The following PIP4K2A variants were observed in gnomAD, a reference collection of about 807,000 sequenced individuals.
PIP4K2A encodes the protein phosphatidylinositol-5-phosphate 4-kinase type 2 alpha.
PIP4K2A carries 14 observed loss-of-function variants against 42.9 expected under a neutral mutation model. The observed-to-expected ratio is 0.33, with a 90% confidence interval of 0.22 to 0.51. The LOEUF (loss-of-function observed/expected upper bound fraction) is 0.51, where lower values mean the gene tolerates loss of function less well. Ranked by LOEUF, PIP4K2A falls within the 20% of genes least tolerant of loss-of-function variation. PIP4K2A has a pLI of 0.97. For missense variants in PIP4K2A, 434 were observed against 519.8 expected (o/e 0.83, Z 1.61); for synonymous variants, 192 against 192.2 (o/e 1.00, Z 0.01).
At chr10:22,568,195 G>A (rs577667263) in intron 5 of PIP4K2A, among the ~76,000 whole-genome samples, 2 of 152,328 alleles carry the variant, frequency 1.3e-5, no homozygotes, top group South Asian at 4.1e-4. Flanking sequence ...ACTTACTTGA[G>A]CAGTAACTTA....
chr10:22,542,860 G>A (rs1836158112), intron 7 of PIP4K2A, among the ~76,000 whole-genome samples: 1 of 152,204 alleles, frequency 6.6e-6, no homozygotes, highest in Non-Finnish European at 1.5e-5. Context: ...CCATCTGCGG[G>A]CTGGACCCAA....
intron 7 of PIP4K2A, among the ~76,000 whole-genome samples, chr10:22,546,205 G>A (rs1008554429): frequency 7.9e-5 from 12 of 152,142 alleles, no homozygotes; most frequent in East Asian, 1.9e-4. Context: ...CAGGGGTGTC[G>A]AAGAATTAAG....
chr10:22,628,047 CTT>C (rs1340801078), intron 1 of PIP4K2A, among the ~76,000 whole-genome samples: 2 of 152,152 alleles, frequency 1.3e-5, no homozygotes, highest in East Asian at 3.9e-4. Context: ...GGGTTATAAA[CTT>C]TTAAAGTGAT....
intron 4 of PIP4K2A, among the ~76,000 whole-genome samples, chr10:22,576,228 G>C (rs568825692): frequency 2.6e-5 from 4 of 152,184 alleles, no homozygotes; most frequent in Admixed American, 2.6e-4. Context: ...ACTGGGAAAA[G>C]GGCACACTGC....
intron 1 of PIP4K2A, among the ~76,000 whole-genome samples, chr10:22,665,132 T>C (rs1839322361): frequency 6.6e-6 from 1 of 152,194 alleles, no homozygotes; most frequent in South Asian, 2.1e-4. Context: ...AATGAAAAAC[T>C]GGCTCTATGA....
At chr10:22,628,016 C>G (rs1838481661) in intron 1 of PIP4K2A, among the ~76,000 whole-genome samples, 1 of 152,100 alleles carries the variant, frequency 6.6e-6, no homozygotes, top group Non-Finnish European at 1.5e-5. Context: ...AGTTGTTGAC[C>G]AAATTTTAAA....
chr10:22,627,588 TAATAAAA>T lies in PIP4K2A; in HGVS notation c.145-17878_145-17872del, dbSNP rs1346768688. Among the ~76,000 whole-genome samples the T allele has an allele frequency of 7.1e-3, 276 of 38,850 alleles. 9 individuals carry two copies. Among genetic ancestry groups the T allele is most frequent in the Middle Eastern group, 0.02 (1 of 50 alleles). The allele number at this position is 38,850 out of a possible 152,430, so 25.5% of individuals were successfully genotyped here. A position where few individuals can be genotyped will look rare whatever the true frequency, so the allele number is the denominator to read the frequency against. On this transcript the variant is annotated intron_variant, in intron 1 of 9. Transcript: ENST00000376573. ...ATTTGTTTAACCAAAAGCTAATATGTAATAAAAAAAAAAAAAAAAAAAAAAAAAAAAA... is the reference window on the plus strand; with the variant it reads ...ATTTGTTTAACCAAAAGCTAATATGTAAAAAAAAAAAAAAAAAAAAAAAAA...
At chr10:22,690,787 T>C (rs373087340) in intron 1 of PIP4K2A, among the ~76,000 whole-genome samples, 3 of 152,196 alleles carry the variant, frequency 2.0e-5, no homozygotes, top group Admixed American at 2.0e-4. Context: ...GAATCTGAAA[T>C]AGTCTGGCCC....
intron 4 of PIP4K2A, among the ~76,000 whole-genome samples, chr10:22,590,948 G>C (rs1304960382): frequency 1.3e-5 from 2 of 152,222 alleles, no homozygotes; most frequent in Non-Finnish European, 2.9e-5. Flanking sequence ...TCCAACGCTG[G>C]ACTTCATGCT....
At position 22,536,287 on chromosome 10, in the gene PIP4K2A, A is replaced by C; in HGVS notation, c.*914T>G. 1 of 395,898 alleles carries C rather than the reference A, an allele frequency of 2.5e-6. No individual in the cohort carries two copies. The highest frequency in any genetic ancestry group is 4.4e-6 in the Non-Finnish European group (1 of 224,806). The allele number at this position is 395,898 out of a possible 1,614,324, so 24.5% of individuals were successfully genotyped here. A position where few individuals can be genotyped will look rare whatever the true frequency, so the allele number is the denominator to read the frequency against. On this transcript the variant is annotated 3_prime_UTR_variant, in exon 10 of 10. Coordinates refer to ENST00000376573, the MANE Select transcript of PIP4K2A (RefSeq NM_005028.5). ...TAGATACCATTGCCCCAAACTATGC[A>C]CTTTTCAGGTAAGCTTTACTTTTAT...
chr10:22,608,131 T>C (rs188409484), intron 2 of PIP4K2A, 108 bp from the exon 3 acceptor site: 4 of 661,006 alleles, frequency 6.1e-6, no homozygotes, highest in Non-Finnish European at 1.1e-5. Context: ...GTTCACTGCC[T>C]ACCAAAAGCA....
intron 1 of PIP4K2A, among the ~76,000 whole-genome samples, chr10:22,689,604 G>A (rs547678287): frequency 1.1e-4 from 16 of 152,160 alleles, no homozygotes; most frequent in African/African-American, 3.9e-4. Flanking sequence ...TTGTATCAGG[G>A]ACTTGAGCAT....
chr10:22,604,003 G>A (rs1474306316), intron 3 of PIP4K2A, among the ~76,000 whole-genome samples: 4 of 97,854 alleles, frequency 4.1e-5, no homozygotes, highest in Non-Finnish European at 7.6e-5. Context: ...GCACACACGC[G>A]CGCACGCACA....
At chr10:22,683,378 A>G (rs1839700194) in intron 1 of PIP4K2A, among the ~76,000 whole-genome samples, 1 of 152,162 alleles carries the variant, frequency 6.6e-6, no homozygotes, top group African/African-American at 2.4e-5. Flanking sequence ...TTCGCAACTC[A>G]GAGGTGGGCC....
chr10:22,710,147 A>G (rs2130930421), intron 1 of PIP4K2A, among the ~76,000 whole-genome samples: 1 of 152,272 alleles, frequency 6.6e-6, no homozygotes, highest in East Asian at 1.9e-4. Context: ...AATATAATCA[A>G]AGCTACTGAC....
chr10:22,536,969 C>CA lies in PIP4K2A; in HGVS notation c.*231dup, dbSNP rs1835950369. 11 of 29,262 alleles carry CA rather than the reference C, an allele frequency of 3.8e-4. No homozygotes were observed. The highest frequency in any genetic ancestry group is 2.7e-3 in the African/African-American group (9 of 3,386). 1.8% of individuals were successfully genotyped at this position (29,262 alleles called of 1,614,324 possible). A position where few individuals can be genotyped will look rare whatever the true frequency, so the allele number is the denominator to read the frequency against. On this transcript the variant is annotated 3_prime_UTR_variant, in exon 10 of 10. Coordinates refer to ENST00000376573, the MANE Select transcript of PIP4K2A (RefSeq NM_005028.5). ...CGCGCACACACTCACCCCCCCCCAA[C>CA]ACACACACACACACATATACACAAA...
At chr10:22,575,912 T>C (rs1259372494) in intron 4 of PIP4K2A, among the ~76,000 whole-genome samples, 2 of 150,394 alleles carry the variant, frequency 1.3e-5, no homozygotes, top group Non-Finnish European at 3.0e-5. Flanking sequence ...TACTCCAGCC[T>C]AGGTGACAGA....
intron 1 of PIP4K2A, among the ~76,000 whole-genome samples, chr10:22,612,385 C>T (rs138329398): frequency 1.3e-5 from 2 of 152,290 alleles, no homozygotes; most frequent in East Asian, 3.9e-4. Context: ...CTTCCCTGGG[C>T]AGCAATGGCT....
chr10:22,675,304 G>GA (rs1839535947), intron 1 of PIP4K2A, among the ~76,000 whole-genome samples: 1 of 152,018 alleles, frequency 6.6e-6, no homozygotes, highest in South Asian at 2.1e-4. Flanking sequence ...TTGTTGAGGA[G>GA]AAGCCAGGCA....
Sources: allele counts gnomAD v4.1 joint callset (sites outside exome capture counted in the v4.1 genomes callset), GRCh38; gene constraint gnomAD v4.1.1; transcripts MANE v1.5; gene names NCBI Gene and HGNC (gene_info 2026-07-23, HGNC 2026-07-21).